The following HDAC9 variants were observed in gnomAD, a reference collection of about 807,000 sequenced individuals.
The protein encoded by HDAC9 is histone deacetylase 9, also known as MEF-2 interacting transcription repressor (MITR) protein.
In HDAC9, 41 loss-of-function variants were observed where a neutral mutation model predicts 139.4. That is an observed-to-expected ratio of 0.29 (90% CI 0.23 to 0.38). The LOEUF is 0.38. Among genes scored for constraint, HDAC9 ranks in the 10% least tolerant of loss-of-function variants. The pLI is 1.00. For missense variants in HDAC9, 1,147 were observed against 1,297.0 expected (o/e 0.88, Z 1.78); for synonymous variants, 517 against 476.2 (o/e 1.09, Z -1.12).
At chr7:18,808,774 AAG>A (rs1236240342) in intron 17 of HDAC9, among the ~76,000 whole-genome samples, 4 of 152,050 alleles carry the variant, frequency 2.6e-5, no homozygotes, top group African/African-American at 7.2e-5. Context: ...TTTTCACAGA[AAG>A]AGAAAAAAAA....
chr7:18,733,044 C>A (rs1786472791), intron 13 of HDAC9, among the ~76,000 whole-genome samples: 1 of 141,638 alleles, frequency 7.1e-6, no homozygotes, highest in Non-Finnish European at 1.6e-5. Flanking sequence ...TACAGATATA[C>A]ATATATACAT....
At chr7:18,374,311 C>G (rs1395805201) in intron 1 of HDAC9, among the ~76,000 whole-genome samples, 1 of 151,548 alleles carries the variant, frequency 6.6e-6, no homozygotes, top group East Asian at 1.9e-4. Flanking sequence ...TGTATACACA[C>G]AAATACACAG....
At chr7:18,257,691 G>A (rs1158356401) in intron 2 of HDAC9, among the ~76,000 whole-genome samples, 4 of 152,120 alleles carry the variant, frequency 2.6e-5, no homozygotes, top group African/African-American at 7.2e-5. Flanking sequence ...AATCTTTTCT[G>A]TAGGTTCTCT....
chr7:18,625,772 C>G (rs1205232639), intron 6 of HDAC9, among the ~76,000 whole-genome samples: 1 of 151,666 alleles, frequency 6.6e-6, no homozygotes, highest in Non-Finnish European at 1.5e-5. Flanking sequence ...TGGTGAAACC[C>G]TGTCTTTACT....
chr7:18,096,860 A>G (rs928369897), intron 1 of HDAC9, among the ~76,000 whole-genome samples: 3 of 151,668 alleles, frequency 2.0e-5, no homozygotes, highest in African/African-American at 7.3e-5. Flanking sequence ...GTTCTGAATG[A>G]AAGAATGGAT....
intron 2 of HDAC9, among the ~76,000 whole-genome samples, chr7:18,199,239 A>T (rs900036779): frequency 6.6e-6 from 1 of 152,142 alleles, no homozygotes; most frequent in Non-Finnish European, 1.5e-5. Context: ...AATGCTAGAA[A>T]TATTGTTGAT....
intron 22 of HDAC9, among the ~76,000 whole-genome samples, chr7:18,897,294 G>T (rs1182040274): frequency 6.6e-6 from 1 of 151,936 alleles, no homozygotes; most frequent in Non-Finnish European, 1.5e-5. Context: ...TGAAGAAAAG[G>T]TAATAAAGCC....
At chr7:18,320,071 C>A (rs553756152) in intron 1 of HDAC9, among the ~76,000 whole-genome samples, 1 of 152,330 alleles carries the variant, frequency 6.6e-6, no homozygotes, top group East Asian at 1.9e-4. Context: ...CTGCTAGTCA[C>A]TATAGGCAGC....
chr7:18,853,115 C>A (rs1048850544), intron 21 of HDAC9, among the ~76,000 whole-genome samples: 7 of 151,996 alleles, frequency 4.6e-5, no homozygotes, highest in African/African-American at 1.7e-4. Context: ...GACTTTCCAC[C>A]GAAGGGGTAG....
At chr7:18,940,407 A>G (rs1466089590) in intron 23 of HDAC9, among the ~76,000 whole-genome samples, 3 of 152,194 alleles carry the variant, frequency 2.0e-5, no homozygotes, top group African/African-American at 7.2e-5. Context: ...GGCAACTGAT[A>G]TTGAAGACAT....
intron 1 of HDAC9, among the ~76,000 whole-genome samples, chr7:18,438,912 T>C (rs1204442490): frequency 2.0e-5 from 3 of 152,156 alleles, no homozygotes; most frequent in Non-Finnish European, 2.9e-5. Context: ...TGCATTACAG[T>C]GATGATGCTA....
rs544189000 is a variant in HDAC9, at chr7:18,835,748, C to G, written c.2587-152C>G. 5.3e-5 allele frequency: 56 copies of G among 1,062,378 alleles called. No individual in the cohort carries two copies. The African/African-American group carries it at 6.7e-4, about 13-fold the overall frequency. The allele number at this position is 1,062,378 out of a possible 1,614,324, so 65.8% of individuals were successfully genotyped here. On this transcript the variant is annotated intron_variant, in intron 20 of 25. Transcript: ENST00000686413. ...GAACCAGTGCAGAACAAGTGCATAA[C>G]CCAGAGCACTGTTTGTCAGGGAAGG...
intron 15 of HDAC9, among the ~76,000 whole-genome samples, chr7:18,762,870 CA>C (rs1381165148): frequency 2.0e-5 from 3 of 152,088 alleles, no homozygotes; most frequent in African/African-American, 7.2e-5. Context: ...ACTTTATCGT[CA>C]GATTTTAAAA....
intron 1 of HDAC9, among the ~76,000 whole-genome samples, chr7:18,397,378 A>G (rs1026640047): frequency 5.9e-5 from 9 of 152,314 alleles, no homozygotes; most frequent in Admixed American, 4.6e-4. Context: ...ACAGAAAGAA[A>G]AACATGTCAC....
rs1476271709 is a variant in HDAC9 at position 18,938,173 on chromosome 7, AT to A, written c.2937+2232del. 2.1e-5 allele frequency among the ~76,000 whole-genome samples: 3 copies of A among 144,382 alleles called. No individual in the cohort carries two copies. In the East Asian group the frequency reaches 6.4e-4, roughly 31 times the overall value. The allele number at this position is 144,382 out of a possible 152,430, so 94.7% of individuals were successfully genotyped here. A position where few individuals can be genotyped will look rare whatever the true frequency, so the allele number is the denominator to read the frequency against. On this transcript the variant is annotated intron_variant, in intron 23 of 25. Coordinates refer to ENST00000686413, the MANE Select transcript of HDAC9 (RefSeq NM_178425.4). Reference sequence around the variant, plus strand: ...AATTAGTGACTTTAAAATTGATGGCATGAGCCGAGATCCCGCCACTGCACTC... The same window carrying A: ...AATTAGTGACTTTAAAATTGATGGCAGAGCCGAGATCCCGCCACTGCACTC...
chr7:18,629,258 G>A, intron 6 of HDAC9, 92 bp from the exon 7 acceptor site: 1 of 1,197,434 alleles, frequency 8.4e-7, no homozygotes, highest in Non-Finnish European at 1.1e-6. Flanking sequence ...ACCAAGAAAA[G>A]GGTGAGACTT....
At chr7:18,287,523 G>T (rs1317263468), upstream of HDAC9, among the ~76,000 whole-genome samples, 1 of 152,268 alleles carries the variant, frequency 6.6e-6, no homozygotes, top group Admixed American at 6.5e-5. Flanking sequence ...TTAAAAAGGA[G>T]GTTTCACATA....
intron 1 of HDAC9, among the ~76,000 whole-genome samples, chr7:18,392,561 TCTCA>T (rs950803831): frequency 1.3e-3 from 205 of 152,230 alleles, no homozygotes; most frequent in African/African-American, 4.9e-3. Flanking sequence ...TAAATCCTGT[TCTCA>T]CTCTGGCACC....
At chr7:18,874,003 T>TAA (rs1799128572) in intron 21 of HDAC9, among the ~76,000 whole-genome samples, 2 of 129,462 alleles carry the variant, frequency 1.5e-5, no homozygotes, top group East Asian at 2.6e-4. Context: ...TTAAAAATGT[T>TAA]TTTTTTTTTT....
Sources: gnomAD v4.1 joint callset for allele counts (sites outside exome capture counted in the v4.1 genomes callset) on GRCh38, gnomAD v4.1.1 for gene constraint, MANE v1.5 for transcripts, NCBI Gene and HGNC (gene_info 2026-07-23, HGNC 2026-07-21) for gene names.